Variants in TSPAN9 observed in about 807,000 individuals in gnomAD.
TSPAN9 encodes the protein tetraspanin-9.
Under a neutral mutation model 31.0 loss-of-function variants are expected in TSPAN9, and 16 were observed. The ratio of observed to expected loss-of-function variants is 0.52; its 90% CI spans 0.35 to 0.78. The LOEUF is 0.78. Ranked by LOEUF, TSPAN9 falls within the 30% of genes least tolerant of loss-of-function variation. The pLI is 0.01. For synonymous variants in TSPAN9, 145 were observed against 121.6 expected (o/e 1.19, Z -1.27); for missense variants, 272 against 312.5 (o/e 0.87, Z 0.98).
chr12:3,138,823 C>T (rs911634654), intron 2 of TSPAN9, among the ~76,000 whole-genome samples: 1 of 152,132 alleles, frequency 6.6e-6, no homozygotes, highest in East Asian at 1.9e-4. Context: ...CTTCCCTTTG[C>T]TTGGCTTTCT....
At chr12:3,095,563 C>T (rs1229663100) in intron 2 of TSPAN9, among the ~76,000 whole-genome samples, 25 of 129,920 alleles carry the variant, frequency 1.9e-4, no homozygotes, top group Middle Eastern at 3.9e-3. Flanking sequence ...TCCTCACTTC[C>T]CAGTAGGGGC....
At chr12:3,105,315 C>T (rs113229603) in intron 2 of TSPAN9, among the ~76,000 whole-genome samples, 1 of 152,060 alleles carries the variant, frequency 6.6e-6, no homozygotes, top group African/African-American at 2.4e-5. Flanking sequence ...CAACATGCCC[C>T]GTATTTTACC....
At chr12:3,235,135 C>CTTGCGCCACTGCACTCCAGCCT (rs1275341086) in intron 3 of TSPAN9, among the ~76,000 whole-genome samples, 1 of 124,372 alleles carries the variant, frequency 8.0e-6, no homozygotes, top group Non-Finnish European at 1.6e-5. Flanking sequence ...GTGAGCAGAG[C>CTTGCGCCACTGCACTCCAGCCT]TTGCGCCACT....
At chr12:3,223,430 C>T (rs535540369) in intron 3 of TSPAN9, among the ~76,000 whole-genome samples, 6 of 152,190 alleles carry the variant, frequency 3.9e-5, no homozygotes, top group Non-Finnish European at 7.3e-5. Flanking sequence ...GGACAGGGAC[C>T]TCGTTTGTTC....
chr12:3,247,961 C>T (rs565967139), intron 3 of TSPAN9, among the ~76,000 whole-genome samples: 18 of 152,314 alleles, frequency 1.2e-4, no homozygotes, highest in African/African-American at 2.6e-4. Context: ...AGTGGGGAAG[C>T]GCAGCGGGGC....
chr12:3,117,032 T>G (rs2098322752), intron 2 of TSPAN9, among the ~76,000 whole-genome samples: 1 of 152,114 alleles, frequency 6.6e-6, no homozygotes, highest in Non-Finnish European at 1.5e-5. Context: ...GGGTGACAGA[T>G]CTTCACCTTT....
intron 3 of TSPAN9, among the ~76,000 whole-genome samples, chr12:3,224,503 G>T (rs2098386151): frequency 6.6e-6 from 1 of 152,262 alleles, no homozygotes; most frequent in Non-Finnish European, 1.5e-5. Context: ...GTGAGCTGGG[G>T]GCAGAGGCGG....
intron 2 of TSPAN9, among the ~76,000 whole-genome samples, chr12:3,165,617 G>A (rs538249955): frequency 6.6e-6 from 1 of 152,208 alleles, no homozygotes; most frequent in African/African-American, 2.4e-5. Context: ...CTGAGGCCCA[G>A]AGAGAGTTGC....
intron 3 of TSPAN9, among the ~76,000 whole-genome samples, chr12:3,218,045 GATA>G (rs2098382265): frequency 1.3e-5 from 2 of 152,286 alleles, no homozygotes; most frequent in South Asian, 4.1e-4. Context: ...TTTTGCATGG[GATA>G]ATGATACCCT....
At chr12:3,281,054 A>G in intron 6 of TSPAN9, 144 bp from the exon 7 acceptor site, 1 of 1,356,300 alleles carries the variant, frequency 7.4e-7, no homozygotes, top group Non-Finnish European at 9.9e-7. Context: ...AAGAAGGGAC[A>G]AGAAGCAAGC....
chr12:3,081,234 A>G (rs905833066), intron 1 of TSPAN9, among the ~76,000 whole-genome samples: 1 of 152,110 alleles, frequency 6.6e-6, no homozygotes, highest in Non-Finnish European at 1.5e-5. Context: ...AAGAGAGGAC[A>G]AGACTTCTTT....
intron 3 of TSPAN9, among the ~76,000 whole-genome samples, chr12:3,263,682 T>G (rs933435399): frequency 1.9e-4 from 29 of 151,984 alleles, no homozygotes; most frequent in Non-Finnish European, 3.1e-4. Flanking sequence ...TAGGGAATTG[T>G]GCAGAGAGGT....
At chr12:3,264,090 C>T (rs145407101) in intron 3 of TSPAN9, among the ~76,000 whole-genome samples, 69 of 152,308 alleles carry the variant, frequency 4.5e-4, no homozygotes, top group African/African-American at 1.4e-3. Flanking sequence ...GCACTTGGGA[C>T]CGTTACTTTG....
At chr12:3,081,771 C>T (rs1423394002) in intron 1 of TSPAN9, among the ~76,000 whole-genome samples, 1 of 151,274 alleles carries the variant, frequency 6.6e-6, no homozygotes, top group African/African-American at 2.4e-5. Context: ...TTTGAGACCA[C>T]CCTGGGCAAC....
intron 2 of TSPAN9, among the ~76,000 whole-genome samples, chr12:3,092,277 G>C (rs2098305150): frequency 6.6e-6 from 1 of 152,262 alleles, no homozygotes; most frequent in South Asian, 2.1e-4. Flanking sequence ...CTCCATGGCT[G>C]TGAGGATGGA....
In TSPAN9 at chr12:3,170,226, C is replaced by T. The variant is rs569797876; in HGVS notation, c.-17-30951C>T. 2.0e-5 allele frequency among the ~76,000 whole-genome samples: 3 copies of T among 152,298 alleles called. No homozygotes were observed. The highest frequency in any genetic ancestry group is 2.1e-4 in the South Asian group (1 of 4,826). ...ATCTGAATTTCTCTCCCATCCATCT[C>T]GTTTATGGTGTTTACAGGGAATATT... On this transcript the variant is annotated intron_variant, in intron 2 of 8. Coordinates refer to ENST00000011898, the MANE Select transcript of TSPAN9 (RefSeq NM_006675.5). This position sits in a 1 kb window ranked among gnomAD's most constrained non-coding sequence, Gnocchi z 4.4.
In TSPAN9 at chr12:3,192,951, G is replaced by A. The variant is rs1457770216; in HGVS notation, c.-17-8226G>A. Among the ~76,000 whole-genome samples the A allele has an allele frequency of 6.6e-6, 1 of 152,156 alleles. No individual in the cohort carries two copies. The highest frequency in any genetic ancestry group is 1.9e-4 in the East Asian group (1 of 5,198). On this transcript the variant is annotated intron_variant, in intron 2 of 8. Transcript: ENST00000011898. This position sits in a 1 kb window ranked among gnomAD's most constrained non-coding sequence, Gnocchi z 4.6. ...AAGTATTGTTGGGAATGATAATAGT[G>A]CCTCCATCCATTGAACAGCTTCTGT... is the stretch of plus-strand genomic sequence containing the variant.
At chr12:3,177,605 G>T (rs182214779) in intron 2 of TSPAN9, among the ~76,000 whole-genome samples, 1,796 of 152,258 alleles carry the variant, frequency 0.012, 23 homozygotes, top group Middle Eastern at 0.02. Context: ...GCTAGTTTTT[G>T]TATTTTTAGT....
chr12:3,079,586 C>T (rs573717788), intron 1 of TSPAN9, among the ~76,000 whole-genome samples: 1 of 152,186 alleles, frequency 6.6e-6, no homozygotes, highest in East Asian at 1.9e-4. Context: ...CTCAACCTCC[C>T]AAGTAACTGG....
Sources: allele counts gnomAD v4.1 joint callset (sites outside exome capture counted in the v4.1 genomes callset), GRCh38; gene constraint gnomAD v4.1.1; non-coding constraint Gnocchi (gnomAD v3.1); transcripts MANE v1.5; gene names NCBI Gene and HGNC (gene_info 2026-07-23, HGNC 2026-07-21).